Variants in TJP2 observed in about 807,000 individuals in gnomAD.
TJP2 encodes the protein tight junction protein 2.
A neutral mutation model predicts 133.1 loss-of-function variants in TJP2; 91 were observed. That is an observed-to-expected ratio of 0.68 (90% CI 0.58 to 0.81). The LOEUF is 0.81. Among genes scored for constraint, TJP2 ranks in the 40% least tolerant of loss-of-function variants. TJP2 has a pLI of 0.00. For missense variants in TJP2, 1,541 were observed against 1,565.6 expected, an observed-to-expected ratio of 0.98 and a Z score of 0.26; for synonymous variants, 592 against 583.4, an observed-to-expected ratio of 1.01 and a Z score of -0.21.
chr9:69,237,231 T>G (rs1830254824), intron 14 of TJP2, 95 bp downstream of exon 14: 19 of 1,406,418 alleles, frequency 1.4e-5, no homozygotes, highest in Middle Eastern at 4.5e-4. Context: ...CTAACTTATG[T>G]ATGTCAGTTA....
upstream of TJP2, among the ~76,000 whole-genome samples, chr9:69,173,730 G>A (rs534898285): frequency 6.6e-6 from 1 of 152,282 alleles, no homozygotes; most frequent in Admixed American, 6.5e-5. Context: ...TCGACTCTTC[G>A]TAGGAGAACT....
intron 1 of TJP2, 81 bp from the exon 2 acceptor site, chr9:69,212,467 A>G: frequency 9.4e-7 from 1 of 1,062,842 alleles, no homozygotes; most frequent in Non-Finnish European, 1.5e-6. Flanking sequence ...CTTTATGTCG[A>G]GGCATTTTGA....
At chr9:69,149,975 C>T (rs189232968) in intron 1 of TJP2, among the ~76,000 whole-genome samples, 10 of 152,116 alleles carry the variant, frequency 6.6e-5, no homozygotes, top group Admixed American at 5.2e-4. Context: ...CGTGGTGAAA[C>T]CCTGTTTCTA....
At chr9:69,211,510 A>G (rs1454367747) in intron 1 of TJP2, among the ~76,000 whole-genome samples, 3 of 152,160 alleles carry the variant, frequency 2.0e-5, no homozygotes, top group African/African-American at 7.2e-5. Flanking sequence ...TTCCTTGGAT[A>G]CATACTATCT....
chr9:69,199,966 T>C (rs1476964638), intron 1 of TJP2, among the ~76,000 whole-genome samples: 2 of 152,190 alleles, frequency 1.3e-5, no homozygotes, highest in Non-Finnish European at 2.9e-5. Flanking sequence ...TATTTAGTAC[T>C]GGGTGTGGTG....
At position 69,144,764 on chromosome 9, in the gene TJP2, A is replaced by G. The variant is rs190156173; in HGVS notation, c.-130-6887A>G. Among the ~76,000 whole-genome samples, 13 of 152,332 alleles carry G rather than the reference A, an allele frequency of 8.5e-5. No individual in the cohort carries two copies. The East Asian group carries it at 2.5e-3, about 29-fold the overall frequency. On this transcript the variant is annotated intron_variant, in intron 1 of 5. Transcript: ENST00000423935. ...GAGCCCTCTCCATGTGGCGGGGCAC[A>G]TGACTACTATCAAGAGCTCCAACTT...
At chr9:69,156,817 C>T (rs944053097) in intron 2 of TJP2, among the ~76,000 whole-genome samples, 2 of 152,258 alleles carry the variant, frequency 1.3e-5, no homozygotes, top group African/African-American at 4.8e-5. Flanking sequence ...CCGCGCCCGG[C>T]CAATACATGT....
At chr9:69,194,286 G>T (rs1014068818) in intron 1 of TJP2, among the ~76,000 whole-genome samples, 1 of 151,890 alleles carries the variant, frequency 6.6e-6, no homozygotes, top group African/African-American at 2.4e-5. Context: ...CTTAATACCT[G>T]GCATTCTGCT....
intron 1 of TJP2, 108 bp from the exon 2 acceptor site, chr9:69,212,440 A>C (rs77791660): frequency 2.4e-6 from 2 of 829,922 alleles, no homozygotes; most frequent in African/African-American, 3.3e-5. Context: ...TTTTTGGTAT[A>C]GAAAGTGTGA....
At position 69,152,851 on chromosome 9, in the gene TJP2, G is replaced by T. The variant is rs1336180995; in HGVS notation, c.-10+1080G>T. On this transcript the variant is annotated intron_variant, in intron 2 of 5. Coordinates refer to the TJP2 transcript ENST00000423935. ...TTTTTTTTTTTTTTTTTTTTTTTGA[G>T]ACGGAGTCTCGCTCTGTCGCCCAGG... is the stretch of plus-strand genomic sequence containing the variant. Among the ~76,000 whole-genome samples, 11 of 63,218 alleles carry T rather than the reference G, an allele frequency of 1.7e-4. No homozygotes were observed. In the Middle Eastern group the frequency reaches 0.047, roughly 269 times the overall value. The allele number at this position is 63,218 out of a possible 152,430, so 41.5% of individuals were successfully genotyped here.
rs955790646 is a variant in TJP2, at chr9:69,154,805, TA to T, written c.-10+3042del. Among the ~76,000 whole-genome samples, 570 of 151,532 alleles carry T rather than the reference TA, an allele frequency of 3.8e-3. 5 individuals carry two copies. The highest frequency in any genetic ancestry group is 0.012 in the African/African-American group (499 of 41,418). ...TATAAAAAAATTAATAAATAAAAAT[TA>T]AAAAAAAGATGCTAATAGTCTGGTG... On this transcript the variant is annotated intron_variant, in intron 2 of 5. Coordinates refer to the TJP2 transcript ENST00000423935.
chr9:69,159,010 T>C (rs941485246), intron 2 of TJP2, among the ~76,000 whole-genome samples: 2 of 151,694 alleles, frequency 1.3e-5, no homozygotes, highest in East Asian at 3.9e-4. Flanking sequence ...TTATTTGATA[T>C]TTGAAAAAAA....
intron 3 of TJP2, among the ~76,000 whole-genome samples, chr9:69,216,989 C>T (rs1036596449): frequency 7.5e-5 from 10 of 133,458 alleles, no homozygotes; most frequent in Admixed American, 2.4e-4. Flanking sequence ...TTTTTCTTTT[C>T]TTTTTTTTTT....
chr9:69,179,351 C>T (rs773431613), intron 1 of TJP2, among the ~76,000 whole-genome samples: 4 of 152,096 alleles, frequency 2.6e-5, no homozygotes, highest in Non-Finnish European at 4.4e-5. Context: ...TATTGCAGAC[C>T]ATAGTCAGAT....
At chr9:69,236,414 T>C (rs1830195234) in intron 13 of TJP2, among the ~76,000 whole-genome samples, 176 bp downstream of exon 13, 1 of 152,162 alleles carries the variant, frequency 6.6e-6, no homozygotes, top group Non-Finnish European at 1.5e-5. Flanking sequence ...AGCCAGTTTA[T>C]TGTGAGTAAA....
chr9:69,172,205 A>C (rs1824726816), upstream of TJP2, among the ~76,000 whole-genome samples: 1 of 152,244 alleles, frequency 6.6e-6, no homozygotes, highest in Admixed American at 6.5e-5. Flanking sequence ...GTATTGATTT[A>C]CACTGCCACC....
At chr9:69,195,174 T>C (rs1490675082) in intron 1 of TJP2, among the ~76,000 whole-genome samples, 2 of 152,206 alleles carry the variant, frequency 1.3e-5, no homozygotes, top group Non-Finnish European at 2.9e-5. Flanking sequence ...GTGCCTATTA[T>C]GGGGGTGGTG....
chr9:69,151,602 A>G (rs996114743), intron 1 of TJP2: 3 of 1,231,598 alleles, frequency 2.4e-6, no homozygotes, highest in Non-Finnish European at 3.0e-6. Flanking sequence ...AAATCTTACC[A>G]TTGCAGGGAA....
upstream of TJP2, among the ~76,000 whole-genome samples, chr9:69,170,541 C>T (rs1824622781): frequency 6.6e-6 from 1 of 152,196 alleles, no homozygotes; most frequent in Non-Finnish European, 1.5e-5. Flanking sequence ...TAGTGAAGTG[C>T]TGCCTCATAC....
Sources: allele counts gnomAD v4.1 joint callset (sites outside exome capture counted in the v4.1 genomes callset), GRCh38; gene constraint gnomAD v4.1.1; transcripts MANE v1.5; gene names NCBI Gene and HGNC (gene_info 2026-07-23, HGNC 2026-07-21).